Variants in SNURF observed in about 807,000 individuals in gnomAD.
SNURF encodes SNRPN upstream open reading frame.
In SNURF, 6 loss-of-function variants were observed where a neutral mutation model predicts 11.6. That is an observed-to-expected ratio of 0.52 (90% confidence interval 0.28 to 1.02). The LOEUF is 1.02. SNURF is among the 50% of genes least tolerant of loss of function. SNURF has a pLI of 0.09. For synonymous variants in SNURF, 29 were observed against 31.6 expected (o/e 0.92, Z 0.27); for missense variants, 84 against 88.4 (o/e 0.95, Z 0.20).
intron 5 of SNURF, among the ~76,000 whole-genome samples, chr15:24,976,597 T>C (rs542918248): frequency 1.1e-4 from 17 of 152,336 alleles, no homozygotes; most frequent in Non-Finnish European, 2.4e-4. Context: ...TTTTGGTGAA[T>C]TATTCTATGT....
intron 2 of SNURF, among the ~76,000 whole-genome samples, chr15:24,964,961 G>A (rs1047775360): frequency 6.6e-6 from 1 of 152,180 alleles, no homozygotes; most frequent in Non-Finnish European, 1.5e-5. Context: ...AGGGTCTTGA[G>A]TTGGGGGAAT....
exon 3 of SNURF, chr15:24,968,077 A>G (rs1316517682): frequency 2.6e-6 from 4 of 1,560,930 alleles, no homozygotes; most frequent in Non-Finnish European, 3.5e-6. Context: ...TCCAAGCAAA[A>G]ACCAGGTTAG....
chr15:24,968,664 C>T (rs1192636169), downstream of SNURF: 2 of 152,498 alleles, frequency 1.3e-5, no homozygotes, highest in East Asian at 3.8e-4. Flanking sequence ...ATTATAAATA[C>T]ACAGCACATA....
At chr15:24,961,009 A>G (rs1566957593) in intron 1 of SNURF, among the ~76,000 whole-genome samples, 1 of 152,010 alleles carries the variant, frequency 6.6e-6, no homozygotes, top group Non-Finnish European at 1.5e-5. Flanking sequence ...ACTTAGCTGT[A>G]TGTTAAGCAA....
downstream of SNURF, chr15:24,978,564 A>G (rs1305336990): frequency 8.7e-6 from 8 of 919,248 alleles, no homozygotes; most frequent in Admixed American, 7.2e-5. Context: ...TAATAAATGC[A>G]TAGAGCAATT....
In SNURF at chr15:24,963,486, G is replaced by A. The variant is rs965963809; in HGVS notation, c.110+1277G>A. 3.3e-5 allele frequency among the ~76,000 whole-genome samples: 5 copies of A among 151,784 alleles called. No individual in the cohort carries two copies. The East Asian group carries it at 5.9e-4, about 18-fold the overall frequency. ...AAAAATTAACCGAGTGTGGTGGCAC[G>A]TGCCTGTAATCCCAGCTACTTGGGA... On this transcript the variant is annotated intron_variant, in intron 2 of 2. Coordinates refer to ENST00000577949, the Ensembl canonical transcript of SNURF.
chr15:24,978,072 A>G, downstream of SNURF: 2 of 1,221,532 alleles, frequency 1.6e-6, no homozygotes, highest in South Asian at 2.8e-5. Flanking sequence ...TAATTGTCAT[A>G]TAGAAGTTAT....
chr15:24,973,045 A>C (rs1394182288), downstream of SNURF, among the ~76,000 whole-genome samples: 1 of 151,646 alleles, frequency 6.6e-6, no homozygotes, highest in East Asian at 2.0e-4. Flanking sequence ...CTGCCACCAC[A>C]CCCAGCTAAT....
rs1038936785 is a variant in SNURF, at chr15:24,975,539, G to A, written c.*197+30G>A. ...GGCTGATTTGGGCAAATGGGGGTTGGACACAGAGGCAGTGGGAAGGGAAGG... is the reference window on the plus strand; with the variant it reads ...GGCTGATTTGGGCAAATGGGGGTTGAACACAGAGGCAGTGGGAAGGGAAGG... On this transcript the variant is annotated intron_variant and NMD_transcript_variant, in intron 4 of 6. Coordinates refer to the SNURF transcript ENST00000580062. The A allele has an allele frequency of 1.9e-6, 3 of 1,599,912 alleles. No individual in the cohort carries two copies. The African/African-American group carries it at 4.0e-5, about 21-fold the overall frequency.
chr15:24,968,369 C>T (rs963018632), exon 3 of SNURF: 7 of 217,412 alleles, frequency 3.2e-5, no homozygotes, highest in African/African-American at 1.7e-4. Context: ...TCTTGAATAC[C>T]CTGTTACTGA....
chr15:24,968,348 CT>C (rs564829146), exon 3 of SNURF: 237 of 271,886 alleles, frequency 8.7e-4, no homozygotes, highest in African/African-American at 5.2e-3. Context: ...AAATATTTCA[CT>C]ATAAATGGCT....
chr15:24,978,146 T>G (rs764147025), downstream of SNURF: 1 of 1,591,836 alleles, frequency 6.3e-7, no homozygotes, highest in Admixed American at 1.7e-5. Context: ...TTCTAACTTT[T>G]CTAAGCCATT....
chr15:24,955,909 T>C (rs1282010942), intron 1 of SNURF, among the ~76,000 whole-genome samples: 3 of 151,668 alleles, frequency 2.0e-5, no homozygotes, highest in African/African-American at 7.3e-5. Context: ...TAAGGGACGC[T>C]GAATGATTGC....
intron 2 of SNURF, among the ~76,000 whole-genome samples, chr15:24,966,684 A>C (rs1388495800): frequency 1.3e-5 from 2 of 152,164 alleles, no homozygotes; most frequent in African/African-American, 4.8e-5. Flanking sequence ...AAGGATGTAT[A>C]GGATGTATAG....
exon 3 of SNURF, chr15:24,968,150 T>C: frequency 1.1e-6 from 1 of 895,668 alleles, no homozygotes; most frequent in South Asian, 1.4e-5. Context: ...GGGGTTCTCT[T>C]AATTATCAGT....
At chr15:24,959,656 G>A (rs1229268940) in intron 1 of SNURF, among the ~76,000 whole-genome samples, 1 of 152,046 alleles carries the variant, frequency 6.6e-6, no homozygotes, top group Non-Finnish European at 1.5e-5. Context: ...ATTATATTAA[G>A]GTACTACATT....
At chr15:24,958,180 C>T (rs545611867) in intron 1 of SNURF, among the ~76,000 whole-genome samples, 4 of 152,138 alleles carry the variant, frequency 2.6e-5, no homozygotes, top group South Asian at 2.1e-4. Flanking sequence ...TTACCCTGTT[C>T]CTTTTCCTAA....
intron 1 of SNURF, among the ~76,000 whole-genome samples, chr15:24,956,699 GA>G (rs1228004319): frequency 6.6e-6 from 1 of 152,218 alleles, no homozygotes; most frequent in African/African-American, 2.4e-5. Flanking sequence ...TGGCGCAGTA[GA>G]GGGGGGAGGA....
At chr15:24,955,022 T>A in exon 1 of SNURF, 1 of 1,612,742 alleles carries the variant, frequency 6.2e-7, no homozygotes, top group Non-Finnish European at 8.5e-7. Context: ...GCCTGACGCA[T>A]CTGTCTGAGG....
Sources: allele counts gnomAD v4.1 joint callset (sites outside exome capture counted in the v4.1 genomes callset), GRCh38; gene constraint gnomAD v4.1.1; transcripts MANE v1.5; gene names NCBI Gene and HGNC (gene_info 2026-07-23, HGNC 2026-07-21).